The following PPP1R21 variants were observed in gnomAD, a reference collection of about 807,000 sequenced individuals.
PPP1R21 encodes the protein KLRAQ motif containing 1.
A neutral mutation model predicts 112.8 loss-of-function variants in PPP1R21; 85 were observed. The ratio of observed to expected loss-of-function variants is 0.75; its 90% CI spans 0.63 to 0.90. The LOEUF is 0.90. PPP1R21 is among the 40% of genes least tolerant of loss of function. The pLI is 0.00. For missense variants in PPP1R21, 1,199 were observed against 901.5 expected, an observed-to-expected ratio of 1.33 and a Z score of -4.23; for synonymous variants, 381 against 322.3, an observed-to-expected ratio of 1.18 and a Z score of -1.95.
rs911579532 is a variant in PPP1R21, at chr2:48,471,242, T to G, written c.1000-37T>G. On this transcript the variant is annotated intron_variant, in intron 10 of 21. Coordinates refer to ENST00000294952, the MANE Select transcript of PPP1R21 (RefSeq NM_001135629.3). ...AAACTGGGAGCTCCTCTTTGTCCAGTAGCACTTTTAACCTTGAAATTATTT... is the reference window on the plus strand; with the variant it reads ...AAACTGGGAGCTCCTCTTTGTCCAGGAGCACTTTTAACCTTGAAATTATTT... 3.1e-6 allele frequency: 5 copies of G among 1,609,152 alleles called. No individual in the cohort carries two copies. The African/African-American group carries it at 5.4e-5, about 17-fold the overall frequency.
chr2:48,512,117 C>T (rs1406862948), intron 21 of PPP1R21, among the ~76,000 whole-genome samples: 1 of 152,144 alleles, frequency 6.6e-6, no homozygotes, highest in African/African-American at 2.4e-5. Context: ...TAAAATGGTA[C>T]TGTTGAAGAG....
chr2:48,456,999 C>T (rs1014879994), intron 3 of PPP1R21, among the ~76,000 whole-genome samples: 12 of 151,974 alleles, frequency 7.9e-5, no homozygotes, highest in African/African-American at 2.7e-4. Flanking sequence ...TTGCAGTGAG[C>T]CGAGATCACA....
intron 15 of PPP1R21, among the ~76,000 whole-genome samples, chr2:48,494,058 C>CAA (rs70943344): frequency 0.05 from 3,140 of 62,278 alleles, 75 homozygotes; most frequent in Non-Finnish European, 0.064. Flanking sequence ...CTCGTCTCTC[C>CAA]AAAAAAAAAA....
At chr2:48,502,621 T>G (rs1670169970) in intron 17 of PPP1R21, among the ~76,000 whole-genome samples, 1 of 151,926 alleles carries the variant, frequency 6.6e-6, no homozygotes, top group South Asian at 2.1e-4. Flanking sequence ...TACAGGGAGA[T>G]TACTTTGGTT....
chr2:48,448,390 G>A (rs980008338), intron 1 of PPP1R21, among the ~76,000 whole-genome samples: 1 of 152,202 alleles, frequency 6.6e-6, no homozygotes, highest in African/African-American at 2.4e-5. Flanking sequence ...ATAGTCTGCA[G>A]TGTGCCTTAG....
Position 48,469,500 on chromosome 2 carries a change from T to TAG in PPP1R21, c.898-1586_898-1585insGA, listed in dbSNP as rs1215285698. Among the ~76,000 whole-genome samples, 4 of 46,956 alleles carry TAG rather than the reference T, an allele frequency of 8.5e-5. 1 individual carries two copies. The highest frequency in any genetic ancestry group is 7.2e-4 in the South Asian group (1 of 1,396). The allele number at this position is 46,956 out of a possible 152,430, so 30.8% of individuals were successfully genotyped here. On this transcript the variant is annotated intron_variant, in intron 9 of 21. Transcript: ENST00000294952. ...TATATATATAGAGCATATATATATA[T>TAG]ATATAGAGCATATATATATATATAT...
chr2:48,456,112 G>A (rs564015093), intron 3 of PPP1R21, among the ~76,000 whole-genome samples: 1 of 151,824 alleles, frequency 6.6e-6, no homozygotes, highest in African/African-American at 2.4e-5. Context: ...TTATTCTTAC[G>A]AGGCCAGTTT....
In PPP1R21 at chr2:48,474,742, A is replaced by T; in HGVS notation, c.1148A>T (p.Glu383Val). The change falls in exon 12 of 22, where the codon GAG becomes GTG. Residue 383 changes from glutamate to valine, a missense_variant. Glu to Val is a moderately radical substitution (Grantham distance 121, BLOSUM62 -2). Transcript: ENST00000294952. ...TCTGCGTTAAGAGCCAGGAATCTAG[A>T]GCTGTCCCAGGACATGAAAAAAATG... ...CTSALRARNLELSQDMKKMTA... is the reference protein window; with the variant it reads ...CTSALRARNLVLSQDMKKMTA... 2 of 1,613,476 alleles carry T rather than the reference A, an allele frequency of 1.2e-6. No individual in the cohort carries two copies. Among genetic ancestry groups the T allele is most frequent in the East Asian group, 4.5e-5 (2 of 44,832 alleles).
At chr2:48,445,929 G>A (rs912322493) in intron 1 of PPP1R21, among the ~76,000 whole-genome samples, 1 of 152,176 alleles carries the variant, frequency 6.6e-6, no homozygotes, top group African/African-American at 2.4e-5. Flanking sequence ...GAGTTTTAGG[G>A]GTCATCCAGG....
rs201794167 is a variant in PPP1R21, at chr2:48,507,315, T to G, written c.2015T>G (p.Met672Arg). The G allele has an allele frequency of 6.3e-7, 1 of 1,586,398 alleles. No individual in the cohort carries two copies. The highest frequency in any genetic ancestry group is 2.3e-5 in the East Asian group (1 of 43,158). The stretch of plus-strand genomic sequence containing the variant: ...GAAGACTTAATTAAAAATCACTACA[T>G]GGCAAGGATAGTGGAACTTACGTCT... ...SREDLIKNHY[M>R]ARIVELTSQL... The change falls in exon 19 of 22, where the codon ATG becomes AGG. Residue 672 changes from methionine (M) to arginine (R), a missense_variant. Met to Arg is a moderately conservative substitution (Grantham distance 91). Transcript: ENST00000294952.
At chr2:48,487,689 A>T (rs955983288) in intron 14 of PPP1R21, among the ~76,000 whole-genome samples, 1 of 148,508 alleles carries the variant, frequency 6.7e-6, no homozygotes, top group African/African-American at 2.5e-5. Flanking sequence ...TGAGCCCAGG[A>T]GGTTGAGGCT....
chr2:48,510,076 A>G lies in PPP1R21; in HGVS notation c.2147A>G (p.Glu716Gly). Residue 716 changes from glutamate to glycine, a missense_variant, in exon 20 of 22, where the codon GAA (glutamate) becomes GGA (glycine). Physicochemically the swap from Glu to Gly is moderately conservative, Grantham distance 98. Transcript: ENST00000294952. ...AEKSKEALTEEMKLASQNISR... is the reference protein window; with the variant it reads ...AEKSKEALTEGMKLASQNISR... ...AAGTCTAAGGAAGCATTGACAGAAG[A>G]AATGAAACTTGCCAGTCAGAACATC... The G allele has an allele frequency of 6.2e-7, 1 of 1,614,104 alleles. No individual in the cohort carries two copies. Among genetic ancestry groups the G allele is most frequent in the African/African-American group, 1.3e-5 (1 of 75,070 alleles).
chr2:48,457,450 G>T (rs1480501478), intron 3 of PPP1R21, among the ~76,000 whole-genome samples: 2 of 152,142 alleles, frequency 1.3e-5, no homozygotes, highest in East Asian at 1.9e-4. Context: ...CAGTTTCATT[G>T]TTAGGCTGTT....
chr2:48,514,616 C>T, intron 21 of PPP1R21, 99 bp from the exon 22 acceptor site: 1 of 877,296 alleles, frequency 1.1e-6, no homozygotes, highest in Non-Finnish European at 1.9e-6. Flanking sequence ...GCTAGTGTTC[C>T]AAAGTGAAAT....
chr2:48,506,726 A>G (rs551713196), intron 18 of PPP1R21, among the ~76,000 whole-genome samples: 1 of 152,158 alleles, frequency 6.6e-6, no homozygotes, highest in Non-Finnish European at 1.5e-5. Context: ...CAGGCGGATC[A>G]CAAGGTCAGG....
chr2:48,490,475 C>T (rs549745238), intron 14 of PPP1R21, among the ~76,000 whole-genome samples: 2 of 152,126 alleles, frequency 1.3e-5, no homozygotes, highest in Non-Finnish European at 2.9e-5. Flanking sequence ...TGGCTGCTTA[C>T]ATAGAGTTAA....
At chr2:48,502,754 C>T (rs915768560) in intron 17 of PPP1R21, among the ~76,000 whole-genome samples, 3 of 145,432 alleles carry the variant, frequency 2.1e-5, no homozygotes, top group African/African-American at 7.6e-5. Context: ...GATCTCCACT[C>T]ACTGCAAGCT....
At chr2:48,501,530 G>A (rs1216678248) in intron 17 of PPP1R21, among the ~76,000 whole-genome samples, 1 of 152,176 alleles carries the variant, frequency 6.6e-6, no homozygotes, top group African/African-American at 2.4e-5. Flanking sequence ...GGACCAAAGA[G>A]AAATAACTCA....
intron 13 of PPP1R21, among the ~76,000 whole-genome samples, chr2:48,480,224 C>T (rs981182766): frequency 1.3e-5 from 2 of 152,178 alleles, no homozygotes; most frequent in African/African-American, 4.8e-5. Context: ...GAAGAGAAAT[C>T]CTTGTGTACA....
Sources: gnomAD v4.1 joint callset for allele counts (sites outside exome capture counted in the v4.1 genomes callset) on GRCh38, gnomAD v4.1.1 for gene constraint, MANE v1.5 for transcripts, NCBI Gene and HGNC (gene_info 2026-07-23, HGNC 2026-07-21) for gene names.